NSFL1C: variants seen among roughly 807,000 people sequenced by gnomAD.
NSFL1C encodes the protein NSFL1 cofactor p47.
In NSFL1C, 14 loss-of-function variants were observed where a neutral mutation model predicts 43.1. The ratio of observed to expected loss-of-function variants is 0.32; its 90% CI spans 0.21 to 0.51. The LOEUF (loss-of-function observed/expected upper bound fraction) is 0.51, where lower values mean the gene tolerates loss of function less well. Ranked by LOEUF, NSFL1C falls within the 20% of genes least tolerant of loss-of-function variation. The probability of loss-of-function intolerance (pLI) is 0.98; values close to 1 mark genes in which losing one functional copy is unlikely to be tolerated. For synonymous variants in NSFL1C, 171 were observed against 183.5 expected, an observed-to-expected ratio of 0.93 and a Z score of 0.55; for missense variants, 406 against 472.5, an observed-to-expected ratio of 0.86 and a Z score of 1.30.
intron 2 of NSFL1C, among the ~76,000 whole-genome samples, chr20:1,460,329 T>C (rs2090385446): frequency 1.3e-5 from 2 of 152,156 alleles, no homozygotes; most frequent in Admixed American, 1.3e-4. Flanking sequence ...CCCCTCTTAA[T>C]TCTCCTGAAT....
chr20:1,461,551 T>C (rs562336782), intron 2 of NSFL1C, among the ~76,000 whole-genome samples: 1 of 152,096 alleles, frequency 6.6e-6, no homozygotes, highest in Admixed American at 6.5e-5. Context: ...ATTTAAGAAA[T>C]GAGGAAAAGG....
intron 3 of NSFL1C, chr20:1,455,979 T>C (rs1039120626): frequency 3.8e-6 from 2 of 532,424 alleles, no homozygotes; most frequent in Non-Finnish European, 6.8e-6. Context: ...ATAATAAAGT[T>C]AGTACTTTTT....
rs2089972688 is a variant in NSFL1C, at chr20:1,442,670, C to T, written c.*1079G>A. 6.6e-6 allele frequency: 1 copy of T among 152,168 alleles called. No homozygotes were observed. The highest frequency in any genetic ancestry group is 2.4e-5 in the African/African-American group (1 of 41,414). The allele number at this position is 152,168 out of a possible 1,614,324, so 9.4% of individuals were successfully genotyped here. On this transcript the variant is annotated 3_prime_UTR_variant, in exon 9 of 9. Coordinates refer to ENST00000216879, the MANE Select transcript of NSFL1C (RefSeq NM_016143.5). ...GACTACTGCCTATGTTTCTGCAAGT[C>T]ACAAGTCAGCAGGTCAAAGAACAAG...
At chr20:1,464,180 G>T in intron 2 of NSFL1C, 149 bp downstream of exon 2, 2 of 669,180 alleles carry the variant, frequency 3.0e-6, no homozygotes, top group South Asian at 3.7e-5. Flanking sequence ...AAATGACTGA[G>T]GCCTGCTGGG....
intron 7 of NSFL1C, 28 bp downstream of exon 7, chr20:1,452,465 T>C (rs774238780): frequency 5.3e-5 from 86 of 1,610,926 alleles, no homozygotes; most frequent in Non-Finnish European, 6.7e-5. Flanking sequence ...ATTGACAGAG[T>C]CTGGCTCTAA....
chr20:1,448,503 TG>T (rs1275748555), intron 7 of NSFL1C, among the ~76,000 whole-genome samples: 3 of 152,218 alleles, frequency 2.0e-5, no homozygotes, highest in Admixed American at 6.5e-5. Context: ...TGCAGACTGC[TG>T]GTGGGTCATC....
chr20:1,444,003 CCTGA>C (rs2090005337), intron 8 of NSFL1C, 92 bp from the exon 9 acceptor site: 1 of 1,364,102 alleles, frequency 7.3e-7, no homozygotes, highest in Non-Finnish European at 1.0e-6. Flanking sequence ...AATCCCCTTT[CCTGA>C]CTTTCTCCAC....
intron 1 of NSFL1C, 140 bp downstream of exon 1, chr20:1,466,580 G>A: frequency 1.3e-6 from 1 of 755,684 alleles, no homozygotes; most frequent in Non-Finnish European, 2.1e-6. Flanking sequence ...GTGACAAGCG[G>A]TCCCGGGACC....
At chr20:1,447,127 T>C (rs747345756) in intron 7 of NSFL1C, among the ~76,000 whole-genome samples, 23 of 152,134 alleles carry the variant, frequency 1.5e-4, no homozygotes, top group African/African-American at 3.6e-4. Context: ...AATTACAAAG[T>C]AGAGCTCAGA....
intron 8 of NSFL1C, 47 bp downstream of exon 8, chr20:1,445,619 C>T (rs1338060829): frequency 6.3e-7 from 1 of 1,597,472 alleles, no homozygotes; most frequent in African/African-American, 1.3e-5. Context: ...TTGCGTGAGG[C>T]CCAGAGGACA....
At chr20:1,460,895 A>T (rs1001783310) in intron 2 of NSFL1C, among the ~76,000 whole-genome samples, 1 of 152,196 alleles carries the variant, frequency 6.6e-6, no homozygotes. Flanking sequence ...AAAAAGGAAG[A>T]AACTGTTACC....
intron 7 of NSFL1C, chr20:1,446,259 G>T: frequency 4.0e-6 from 1 of 247,696 alleles, no homozygotes; most frequent in South Asian, 3.9e-5. Context: ...AGCTGAGGCA[G>T]CCTTGGCACA....
In NSFL1C at chr20:1,453,037, C is replaced by T. The variant is rs202113163; in HGVS notation, c.641G>A (p.Arg214His). The T allele has an allele frequency of 2.7e-4, 426 of 1,598,988 alleles. No individual in the cohort carries two copies. Among genetic ancestry groups the T allele is most frequent in the East Asian group, 2.2e-4 (10 of 44,816 alleles). ...PSNAQFLESI[R>H]RGEVPAELRR... Reference sequence around the variant, plus strand: ...GGAGGGCTTTTTCACTCACCCTCTGCGGATAGACTCCAGAAACTGGGCATT... The same window carrying T: ...GGAGGGCTTTTTCACTCACCCTCTGTGGATAGACTCCAGAAACTGGGCATT... Residue 214 changes from arginine (R) to histidine (H), a missense_variant, in exon 6 of 9, where the codon CGC becomes CAC. Coordinates refer to ENST00000216879, the MANE Select transcript of NSFL1C (RefSeq NM_016143.5).
Position 1,445,775 on chromosome 20 carries a change from C to G in NSFL1C, c.841G>C (p.Ala281Pro). The change falls in exon 8 of 9, where the codon GCC becomes CCC. Residue 281 changes from alanine to proline, a missense_variant. Transcript: ENST00000216879. ...ATTAAGATGGAAGAGCTGGCTTTGG[C>G]TTCATTTTCTGCCTGTTGGGCTGGA... ...SSPAQQAENE[A>P]KASSSILIDE... 6.2e-7 allele frequency: 1 copy of G among 1,614,018 alleles called. No individual in the cohort carries two copies. The highest frequency in any genetic ancestry group is 8.5e-7 in the Non-Finnish European group (1 of 1,180,002).
chr20:1,444,270 A>G (rs1479591403), intron 8 of NSFL1C, among the ~76,000 whole-genome samples: 1 of 152,082 alleles, frequency 6.6e-6, no homozygotes, highest in African/African-American at 2.4e-5. Context: ...TGTAATCCTA[A>G]TCACAACTCA....
chr20:1,464,140 C>T lies in NSFL1C; in HGVS notation c.203+189G>A, dbSNP rs1425166903. 1.3e-5 allele frequency: 7 copies of T among 540,352 alleles called. No individual in the cohort carries two copies. The East Asian group carries it at 2.0e-4, about 16-fold the overall frequency. 33.5% of individuals were successfully genotyped at this position (540,352 alleles called of 1,614,324 possible). On this transcript the variant is annotated intron_variant, in intron 2 of 8. Coordinates refer to ENST00000216879, the MANE Select transcript of NSFL1C (RefSeq NM_016143.5). ...CCCAGGATTGAACCATAAACCACAC[C>T]CAGTTAAAAGTCATGCATCTCTGTA...
chr20:1,443,518 GGTT>G lies in NSFL1C; in HGVS notation c.*228_*230del, dbSNP rs2089993323. On this transcript the variant is annotated 3_prime_UTR_variant, in exon 9 of 9. Coordinates refer to ENST00000216879, the MANE Select transcript of NSFL1C (RefSeq NM_016143.5). The stretch of plus-strand genomic sequence containing the variant: ...CTGGTGATATTCCTTCAATTTTTTT[GGTT>G]GTTTTTATTTTTTTTTTCATTAAAG... 2.4e-6 allele frequency: 1 copy of G among 419,584 alleles called. No individual in the cohort carries two copies. Among genetic ancestry groups the G allele is most frequent in the Admixed American group, 3.8e-5 (1 of 26,476 alleles). 26.0% of individuals were successfully genotyped at this position (419,584 alleles called of 1,614,324 possible). A position where few individuals can be genotyped will look rare whatever the true frequency, so the allele number is the denominator to read the frequency against.
chr20:1,461,709 T>C (rs537738886), intron 2 of NSFL1C, among the ~76,000 whole-genome samples: 1 of 152,298 alleles, frequency 6.6e-6, no homozygotes, highest in African/African-American at 2.4e-5. Context: ...ACTAGCTCTG[T>C]GATCTTGGAA....
At chr20:1,446,131 G>A (rs1023262293) in intron 7 of NSFL1C, 4 of 492,538 alleles carry the variant, frequency 8.1e-6, no homozygotes, top group Non-Finnish European at 1.5e-5. Flanking sequence ...AGGGCTTGAA[G>A]GGAGGAAAGC....
Sources: gnomAD v4.1 joint callset for allele counts (sites outside exome capture counted in the v4.1 genomes callset) on GRCh38, gnomAD v4.1.1 for gene constraint, MANE v1.5 for transcripts, NCBI Gene and HGNC (gene_info 2026-07-23, HGNC 2026-07-21) for gene names.